Variants in SLC2A13 observed in about 807,000 individuals in gnomAD.
SLC2A13 encodes the protein proton myo-inositol cotransporter.
Under a neutral mutation model 64.4 loss-of-function variants are expected in SLC2A13, and 32 were observed. The observed-to-expected ratio is 0.50, with a 90% CI of 0.37 to 0.67. The LOEUF is 0.67. Among genes scored for constraint, SLC2A13 ranks in the 30% least tolerant of loss-of-function variants. The pLI is 0.00. For synonymous variants in SLC2A13, 338 were observed against 327.1 expected (o/e 1.03, Z -0.36); for missense variants, 743 against 829.2 (o/e 0.90, Z 1.28).
chr12:39,958,573 T>TG (rs1261304810), intron 3 of SLC2A13, among the ~76,000 whole-genome samples: 2 of 152,178 alleles, frequency 1.3e-5, no homozygotes, highest in Non-Finnish European at 2.9e-5. Flanking sequence ...ACCTGTTGGC[T>TG]AAAGCACCCC....
intron 4 of SLC2A13, among the ~76,000 whole-genome samples, chr12:39,898,977 A>C (rs1945005180): frequency 6.6e-6 from 1 of 152,192 alleles, no homozygotes; most frequent in African/African-American, 2.4e-5. Flanking sequence ...CTTTGGTATC[A>C]GGATGATGCT....
At chr12:40,046,171 G>A (rs919592647) in intron 2 of SLC2A13, among the ~76,000 whole-genome samples, 5 of 151,922 alleles carry the variant, frequency 3.3e-5, no homozygotes, top group African/African-American at 1.2e-4. Flanking sequence ...TTATAGAAAA[G>A]TGAAGCTCAG....
rs546059091 is a variant in SLC2A13 at position 40,064,694 on chromosome 12, C to CA, written c.557-16485dup. Among the ~76,000 whole-genome samples, 210 of 152,216 alleles carry CA rather than the reference C, an allele frequency of 1.4e-3. 1 individual carries two copies. Among genetic ancestry groups the CA allele is most frequent in the African/African-American group, 4.8e-3 (200 of 41,546 alleles). On this transcript the variant is annotated intron_variant, in intron 1 of 9. Coordinates refer to ENST00000280871, the MANE Select transcript of SLC2A13 (RefSeq NM_052885.4). ...TAACAAATAGAGCAAAATATTTCAT[C>CA]AAAATTGTTACTGTTTCCATCAAGG...
intron 4 of SLC2A13, among the ~76,000 whole-genome samples, chr12:39,917,444 C>T (rs1945539946): frequency 6.6e-6 from 1 of 152,020 alleles, no homozygotes; most frequent in South Asian, 2.1e-4. Context: ...CCATATTAAA[C>T]ATTGTTTCTG....
intron 7 of SLC2A13, among the ~76,000 whole-genome samples, chr12:39,777,849 C>G (rs571036972): frequency 6.6e-6 from 1 of 152,344 alleles, no homozygotes; most frequent in South Asian, 2.1e-4. Flanking sequence ...ACTCATTCTC[C>G]AAGTCCACGT....
At chr12:40,101,443 C>T (rs981496892) in intron 1 of SLC2A13, among the ~76,000 whole-genome samples, 2 of 152,166 alleles carry the variant, frequency 1.3e-5, no homozygotes, top group African/African-American at 4.8e-5. Flanking sequence ...AATTCACGGT[C>T]ACATGCTATG....
chr12:40,098,039 G>A (rs947716394), intron 1 of SLC2A13, among the ~76,000 whole-genome samples: 3 of 150,326 alleles, frequency 2.0e-5, no homozygotes, highest in Non-Finnish European at 4.4e-5. Context: ...ATGTATATAT[G>A]TATATATGTG....
intron 2 of SLC2A13, among the ~76,000 whole-genome samples, chr12:40,043,795 G>A (rs1948131161): frequency 6.6e-6 from 1 of 152,012 alleles, no homozygotes; most frequent in African/African-American, 2.4e-5. Context: ...ACCACAGTGA[G>A]ATGCCACTTC....
intron 7 of SLC2A13, among the ~76,000 whole-genome samples, chr12:39,826,127 T>G (rs898414011): frequency 1.3e-5 from 2 of 152,144 alleles, no homozygotes; most frequent in African/African-American, 4.8e-5. Context: ...AATTTACTGT[T>G]TGTGCTTGAA....
intron 1 of SLC2A13, among the ~76,000 whole-genome samples, chr12:40,065,282 T>C (rs1019531552): frequency 3.9e-5 from 6 of 152,136 alleles, no homozygotes; most frequent in Non-Finnish European, 8.8e-5. Flanking sequence ...TCTGCCCTTT[T>C]ATAAACTATT....
At chr12:39,839,877 A>G (rs760808813) in intron 6 of SLC2A13, among the ~76,000 whole-genome samples, 6 of 152,108 alleles carry the variant, frequency 3.9e-5, no homozygotes, top group Non-Finnish European at 8.8e-5. Flanking sequence ...CTAAAGCTCA[A>G]TCTTTGGCTT....
chr12:39,829,220 T>TTATGCATGTAG (rs1244103444), intron 7 of SLC2A13, among the ~76,000 whole-genome samples: 6 of 151,942 alleles, frequency 3.9e-5, no homozygotes, highest in Non-Finnish European at 7.4e-5. Flanking sequence ...AATATTTCAT[T>TTATGCATGTAG]TATGCATGTA....
chr12:39,911,953 C>A (rs1261251964), intron 4 of SLC2A13, among the ~76,000 whole-genome samples: 1 of 151,986 alleles, frequency 6.6e-6, no homozygotes, highest in Non-Finnish European at 1.5e-5. Context: ...GAGCTTGCTT[C>A]TTCAGAAATT....
chr12:40,088,242 C>G (rs906448651), intron 1 of SLC2A13, among the ~76,000 whole-genome samples: 1 of 152,136 alleles, frequency 6.6e-6, no homozygotes, highest in Non-Finnish European at 1.5e-5. Context: ...GAAAAAATTG[C>G]TTGGTAGGAT....
intron 4 of SLC2A13, among the ~76,000 whole-genome samples, chr12:39,893,079 C>A (rs893124333): frequency 6.6e-6 from 1 of 152,060 alleles, no homozygotes; most frequent in Admixed American, 6.6e-5. Flanking sequence ...TTAGTATTTG[C>A]ATATTTCCTA....
intron 6 of SLC2A13, among the ~76,000 whole-genome samples, chr12:39,849,248 T>A (rs964292680): frequency 6.6e-6 from 1 of 152,024 alleles, no homozygotes; most frequent in African/African-American, 2.4e-5. Context: ...TATATATGAT[T>A]GCAAATTGGT....
chr12:40,033,872 C>T lies in SLC2A13; in HGVS notation c.717-5363G>A, dbSNP rs17518014. 9.4e-3 allele frequency among the ~76,000 whole-genome samples: 1,433 copies of T among 152,222 alleles called. 15 individuals carry two copies. The highest frequency in any genetic ancestry group is 0.032 in the African/African-American group (1,343 of 41,544). ...AATATGATAGATCGAAAGTTGCTTT[C>T]TCTTTATTTTTCAATCTCTGCATCC... is the stretch of plus-strand genomic sequence containing the variant. On this transcript the variant is annotated intron_variant, in intron 2 of 9. Transcript: ENST00000280871.
chr12:40,070,789 A>C (rs1937925102), intron 1 of SLC2A13, among the ~76,000 whole-genome samples: 1 of 152,124 alleles, frequency 6.6e-6, no homozygotes, highest in Non-Finnish European at 1.5e-5. Flanking sequence ...ATCCTTTAAA[A>C]ATTTTTTATT....
intron 4 of SLC2A13, among the ~76,000 whole-genome samples, chr12:39,891,717 C>A (rs1204943877): frequency 6.6e-6 from 1 of 152,086 alleles, no homozygotes; most frequent in Non-Finnish European, 1.5e-5. Flanking sequence ...TATGAACATG[C>A]CTTAGGTTAG....
Sources: gnomAD v4.1 joint callset for allele counts (sites outside exome capture counted in the v4.1 genomes callset) on GRCh38, gnomAD v4.1.1 for gene constraint, MANE v1.5 for transcripts, NCBI Gene and HGNC (gene_info 2026-07-23, HGNC 2026-07-21) for gene names.